Variants in ENPP2 observed in about 807,000 individuals in gnomAD.
The protein encoded by ENPP2 is ectonucleotide pyrophosphatase/phosphodiesterase 2, also known as autotaxin.
ENPP2 carries 51 observed loss-of-function variants against 120.2 expected under a neutral mutation model. That is an observed-to-expected ratio of 0.42 (90% confidence interval 0.34 to 0.54). The LOEUF is 0.54. ENPP2 is among the 20% of genes least tolerant of loss of function. The pLI, the probability that ENPP2 is intolerant of heterozygous loss-of-function variation, is 0.04. For missense variants in ENPP2, 920 were observed against 1,066.5 expected (o/e 0.86, Z 1.91); for synonymous variants, 365 against 366.4 (o/e 1.00, Z 0.04).
intron 1 of ENPP2, among the ~76,000 whole-genome samples, chr8:119,644,393 A>T (rs1817369133): frequency 6.6e-6 from 1 of 151,118 alleles, no homozygotes. Context: ...ATTAAGTATG[A>T]CTCCTGAATT....
Position 119,569,226 on chromosome 8 carries a change from T to G in ENPP2, c.2053+9A>C. 6.2e-7 allele frequency: 1 copy of G among 1,613,782 alleles called. No homozygotes were observed. The highest frequency in any genetic ancestry group is 1.1e-5 in the South Asian group (1 of 91,080). The stretch of plus-strand genomic sequence containing the variant: ...CTGAAGGCATCAGATCTTGATATTC[T>G]TAACTTACAAGGAGGAAAGAGGAAT... On this transcript the variant is annotated intron_variant, in intron 21 of 24. Transcript: ENST00000075322.
chr8:119,581,037 C>T (rs1457761054), intron 18 of ENPP2: 1 of 151,926 alleles, frequency 6.6e-6, no homozygotes, highest in Non-Finnish European at 1.5e-5. Context: ...GAGGCCAAGG[C>T]GGGTGGATCA....
chr8:119,558,816 G>A (rs1813689541), intron 24 of ENPP2, among the ~76,000 whole-genome samples: 1 of 152,062 alleles, frequency 6.6e-6, no homozygotes, highest in South Asian at 2.1e-4. Context: ...CATGTCCTAG[G>A]TCTGGGAATA....
chr8:119,653,220 C>G (rs765746651), intron 1 of ENPP2, among the ~76,000 whole-genome samples: 4 of 152,166 alleles, frequency 2.6e-5, no homozygotes, highest in Non-Finnish European at 5.9e-5. Flanking sequence ...ATCACCCAAC[C>G]AATTCATTAA....
At chr8:119,571,882 T>C (rs1299338081) in intron 19 of ENPP2, 3 of 247,756 alleles carry the variant, frequency 1.2e-5, no homozygotes, top group African/African-American at 6.7e-5. Context: ...AGAAAAGTCT[T>C]CGTAGAATAC....
chr8:119,638,722 C>A (rs550771441), intron 1 of ENPP2, 26 bp downstream of exon 1: 1 of 1,345,186 alleles, frequency 7.4e-7, no homozygotes, highest in East Asian at 2.3e-5. Context: ...TCAAGCATGT[C>A]CCCCGTCATT....
chr8:119,662,906 T>A (rs796099364), intron 1 of ENPP2, among the ~76,000 whole-genome samples: 8 of 151,670 alleles, frequency 5.3e-5, no homozygotes, highest in African/African-American at 1.7e-4. Flanking sequence ...AGGTCAGGAG[T>A]TCGAGATCAG....
At chr8:119,605,776 G>A (rs1814681115) in intron 9 of ENPP2, among the ~76,000 whole-genome samples, 2 of 151,974 alleles carry the variant, frequency 1.3e-5, no homozygotes, top group South Asian at 4.2e-4. Flanking sequence ...CGAAGATACT[G>A]TAATTTTTAT....
At chr8:119,645,039 T>C (rs1817401819) in intron 1 of ENPP2, among the ~76,000 whole-genome samples, 1 of 152,126 alleles carries the variant, frequency 6.6e-6, no homozygotes, top group South Asian at 2.1e-4. Flanking sequence ...AGTTTTACCC[T>C]AGGGTTGACG....
rs142836977 is a variant in ENPP2, at chr8:119,564,673, G to A, written c.2264+150C>T. 908 of 290,012 alleles carry A rather than the reference G, an allele frequency of 3.1e-3. 4 individuals carry two copies. The highest frequency in any genetic ancestry group is 3.3e-3 in the South Asian group (26 of 7,814). The allele number at this position is 290,012 out of a possible 1,614,324, so 18.0% of individuals were successfully genotyped here. A position where few individuals can be genotyped will look rare whatever the true frequency, so the allele number is the denominator to read the frequency against. ...AGCCTGGGCAACAGAGCAAGACGCC[G>A]TCTCAAAAAAATATATATATATATA... is the stretch of plus-strand genomic sequence containing the variant. On this transcript the variant is annotated intron_variant, in intron 23 of 24. Transcript: ENST00000075322.
chr8:119,643,119 GAAAAC>G (rs1344452086), upstream of ENPP2, among the ~76,000 whole-genome samples: 1 of 152,150 alleles, frequency 6.6e-6, no homozygotes, highest in Non-Finnish European at 1.5e-5. Context: ...ACAAAAGTAA[GAAAAC>G]ACCATATATA....
chr8:119,585,897 G>A (rs1813073021), intron 15 of ENPP2, among the ~76,000 whole-genome samples: 2 of 150,998 alleles, frequency 1.3e-5, no homozygotes, highest in South Asian at 4.2e-4. Context: ...TAAGAATAGA[G>A]TTTAGAATGT....
At chr8:119,657,043 T>C (rs1817783103) in intron 1 of ENPP2, among the ~76,000 whole-genome samples, 1 of 152,142 alleles carries the variant, frequency 6.6e-6, no homozygotes. Context: ...TTCTCCTGCC[T>C]CAGCCTCCCG....
chr8:119,645,359 A>T (rs1262044478), intron 1 of ENPP2, among the ~76,000 whole-genome samples: 2 of 152,142 alleles, frequency 1.3e-5, no homozygotes, highest in African/African-American at 4.8e-5. Flanking sequence ...CTTTTTGTTC[A>T]TTTCAATCCT....
chr8:119,667,001 G>A (rs16892932), intron 1 of ENPP2, among the ~76,000 whole-genome samples: 3,040 of 152,046 alleles, frequency 0.02, 105 homozygotes, highest in African/African-American at 0.069. Context: ...GAATGTCAGG[G>A]GTCGAGGTAG....
chr8:119,626,487 C>T (rs554334036), intron 3 of ENPP2, 78 bp downstream of exon 3: 12 of 1,170,320 alleles, frequency 1.0e-5, no homozygotes, highest in Middle Eastern at 2.0e-4. Flanking sequence ...AGCAGGGTGG[C>T]CACTCCAGGA....
chr8:119,624,231 G>A (rs1182761617), intron 3 of ENPP2, among the ~76,000 whole-genome samples: 10 of 152,080 alleles, frequency 6.6e-5, no homozygotes, highest in Non-Finnish European at 1.5e-4. Flanking sequence ...AATAAATCCA[G>A]AGTTTAAAGT....
intron 3 of ENPP2, among the ~76,000 whole-genome samples, chr8:119,625,345 T>G (rs1028858857): frequency 3.9e-5 from 6 of 152,056 alleles, no homozygotes; most frequent in African/African-American, 1.4e-4. Context: ...AAAAAAGTGG[T>G]TAAATGGTTG....
upstream of ENPP2, among the ~76,000 whole-genome samples, chr8:119,639,953 A>G (rs2130848322): frequency 6.6e-6 from 1 of 152,344 alleles, no homozygotes; most frequent in Middle Eastern, 3.4e-3. Flanking sequence ...CAGCAGGTCC[A>G]GTGACCATCT....
Sources: gnomAD v4.1 joint callset for allele counts (sites outside exome capture counted in the v4.1 genomes callset) on GRCh38, gnomAD v4.1.1 for gene constraint, MANE v1.5 for transcripts, NCBI Gene and HGNC (gene_info 2026-07-23, HGNC 2026-07-21) for gene names.